Variants in WDR93 observed in about 807,000 individuals in gnomAD.
The protein encoded by WDR93 is WD repeat domain 93.
WDR93 carries 73 observed loss-of-function variants against 82.9 expected under a neutral mutation model. That is an observed-to-expected ratio of 0.88 (90% CI 0.73 to 1.07). WDR93 has a LOEUF of 1.07. Among genes scored for constraint, WDR93 ranks in the 50% least tolerant of loss-of-function variants. The probability of loss-of-function intolerance (pLI) is 0.00; values close to 1 mark genes in which losing one functional copy is unlikely to be tolerated. For missense variants in WDR93, 738 were observed against 826.0 expected, an observed-to-expected ratio of 0.89 and a Z score of 1.31; for synonymous variants, 283 against 300.1, an observed-to-expected ratio of 0.94 and a Z score of 0.59.
Position 89,734,841 on chromosome 15 carries a change from A to T in WDR93, c.1545-649A>T, listed in dbSNP as rs113753895. Among the ~76,000 whole-genome samples, 85 of 152,058 alleles carry T rather than the reference A, an allele frequency of 5.6e-4. 1 individual carries two copies. The highest frequency in any genetic ancestry group is 6.8e-3 in the Middle Eastern group (2 of 294). On this transcript the variant is annotated intron_variant, in intron 13 of 16. Transcript: ENST00000268130. The stretch of plus-strand genomic sequence containing the variant: ...CTCTGTGAAAAGAACAAAAATTATT[A>T]AAAAAAGAAAAAGAATTAACCACAT...
At chr15:89,692,563 T>C (rs992706471) in intron 1 of WDR93, among the ~76,000 whole-genome samples, 1 of 152,136 alleles carries the variant, frequency 6.6e-6, no homozygotes. Flanking sequence ...TGTTAGATGA[T>C]AGAGGTGAGC....
Position 89,743,476 on chromosome 15 carries a change from A to C in WDR93, c.*85A>C. 3 of 1,327,632 alleles carry C rather than the reference A, an allele frequency of 2.3e-6. No homozygotes were observed. Among genetic ancestry groups the C allele is most frequent in the Non-Finnish European group, 3.2e-6 (3 of 936,078 alleles). 82.2% of individuals were successfully genotyped at this position (1,327,632 alleles called of 1,614,324 possible). On this transcript the variant is annotated 3_prime_UTR_variant, in exon 17 of 17. Coordinates refer to ENST00000268130, the MANE Select transcript of WDR93 (RefSeq NM_020212.2). ...AGGACACTGAGGCCAAGAGAAATGT[A>C]ACAGAGCCACAGCTCCACAGGCCTG...
Position 89,733,206 on chromosome 15 carries a change from G to A in WDR93, c.1531G>A (p.Val511Met). ...ASGTQGPTISVLVERPVKHLD... is the reference protein window; with the variant it reads ...ASGTQGPTISMLVERPVKHLD... The stretch of plus-strand genomic sequence containing the variant: ...CGGGACCCAAGGACCCACCATCAGT[G>A]TGCTTGTTGAGAGGTCAGTAGCTTG... Residue 511 changes from valine (V) to methionine (M), a missense_variant, in exon 13 of 17, where the codon GTG (valine) becomes ATG (methionine). Val to Met is a conservative substitution (Grantham distance 21). Coordinates refer to ENST00000268130, the MANE Select transcript of WDR93 (RefSeq NM_020212.2). The A allele has an allele frequency of 6.2e-7, 1 of 1,613,788 alleles. No individual in the cohort carries two copies. The highest frequency in any genetic ancestry group is 8.5e-7 in the Non-Finnish European group (1 of 1,179,762).
chr15:89,721,922 C>A, intron 7 of WDR93, 133 bp from the exon 8 acceptor site: 1 of 642,838 alleles, frequency 1.6e-6, no homozygotes. Flanking sequence ...TACAATCTTG[C>A]TATTTACTTT....
chr15:89,694,463 C>CT (rs1965064313), intron 1 of WDR93, among the ~76,000 whole-genome samples: 1 of 152,118 alleles, frequency 6.6e-6, no homozygotes, highest in Admixed American at 6.6e-5. Context: ...TCTCGCTCTC[C>CT]TGACCTCATG....
chr15:89,722,548 C>T (rs1322120140), intron 8 of WDR93, among the ~76,000 whole-genome samples: 1 of 152,200 alleles, frequency 6.6e-6, no homozygotes, highest in Non-Finnish European at 1.5e-5. Flanking sequence ...CCTCTCCTCT[C>T]CTGCACTCTA....
At chr15:89,735,701 A>G in intron 14 of WDR93, 148 bp downstream of exon 14, 1 of 771,984 alleles carries the variant, frequency 1.3e-6, no homozygotes, top group Non-Finnish European at 2.1e-6. Context: ...TAGAAAGAGA[A>G]AGAACCTGCC....
At chr15:89,727,356 G>C in intron 9 of WDR93, 28 bp downstream of exon 9, 1 of 1,610,040 alleles carries the variant, frequency 6.2e-7, no homozygotes. Flanking sequence ...GGGAAAGCCA[G>C]GGAGCATCCC....
At chr15:89,720,875 T>G (rs1485435372) in intron 7 of WDR93, among the ~76,000 whole-genome samples, 1 of 152,230 alleles carries the variant, frequency 6.6e-6, no homozygotes, top group East Asian at 1.9e-4. Flanking sequence ...CCTTACTATA[T>G]TCTTACTGAT....
chr15:89,690,499 T>C (rs189974273), upstream of WDR93: 1,009 of 1,109,066 alleles, frequency 9.1e-4, 5 homozygotes, highest in African/African-American at 5.0e-3. Context: ...TCACCTCCTT[T>C]TTCCCGGGTG....
chr15:89,736,754 T>C (rs112853381), intron 14 of WDR93, among the ~76,000 whole-genome samples: 7,360 of 148,084 alleles, frequency 0.05, 627 homozygotes, highest in African/African-American at 0.17. Flanking sequence ...GAGGGGAAAG[T>C]GGTGTGGCAG....
intron 14 of WDR93, 59 bp from the exon 15 acceptor site, chr15:89,737,514 C>A (rs542865402): frequency 1.9e-6 from 3 of 1,606,688 alleles, no homozygotes; most frequent in South Asian, 1.1e-5. Flanking sequence ...CTCTACACGA[C>A]CTTCCTGTGA....
At chr15:89,692,350 T>A (rs896927985) in intron 1 of WDR93, among the ~76,000 whole-genome samples, 1 of 152,142 alleles carries the variant, frequency 6.6e-6, no homozygotes, top group African/African-American at 2.4e-5. Flanking sequence ...CTTGGCCCCA[T>A]GGGTTACTCA....
At chr15:89,737,900 G>T (rs1967338670) in intron 15 of WDR93, 141 bp from the exon 16 acceptor site, 3 of 1,312,636 alleles carry the variant, frequency 2.3e-6, no homozygotes, top group Non-Finnish European at 3.1e-6. Flanking sequence ...TGCCAGCAGG[G>T]TCTTCTCTCT....
At chr15:89,737,549 C>T (rs765920484) in intron 14 of WDR93, 24 bp from the exon 15 acceptor site, 2 of 1,613,890 alleles carry the variant, frequency 1.2e-6, no homozygotes, top group African/African-American at 1.3e-5. Context: ...TAGAAGCCCC[C>T]CTCACCATCT....
intron 11 of WDR93, among the ~76,000 whole-genome samples, chr15:89,730,090 C>T (rs576183430): frequency 8.0e-4 from 122 of 152,160 alleles, no homozygotes; most frequent in Non-Finnish European, 1.5e-3. Flanking sequence ...TTTGGGAGGC[C>T]GAGGCGAGTG....
At chr15:89,735,664 C>A in intron 14 of WDR93, 111 bp downstream of exon 14, 1 of 1,094,110 alleles carries the variant, frequency 9.1e-7, no homozygotes, top group Non-Finnish European at 1.4e-6. Context: ...ATGTGTTAGG[C>A]ACTGGACTAG....
At chr15:89,733,966 C>T (rs1966951663) in intron 13 of WDR93, among the ~76,000 whole-genome samples, 1 of 151,980 alleles carries the variant, frequency 6.6e-6, no homozygotes, top group Non-Finnish European at 1.5e-5. Context: ...TTTAAAAATA[C>T]CTAATGCATG....
intron 5 of WDR93, among the ~76,000 whole-genome samples, chr15:89,712,604 G>A (rs191799751): frequency 4.6e-5 from 7 of 151,892 alleles, no homozygotes; most frequent in African/African-American, 1.7e-4. Context: ...ATTCAACTGG[G>A]GTTAAGGATT....
Sources: allele counts gnomAD v4.1 joint callset (sites outside exome capture counted in the v4.1 genomes callset), GRCh38; gene constraint gnomAD v4.1.1; transcripts MANE v1.5; gene names NCBI Gene and HGNC (gene_info 2026-07-23, HGNC 2026-07-21).